ALG9: variants seen among roughly 807,000 people sequenced by gnomAD.
ALG9 encodes alpha-1,2-mannosyltransferase ALG9.
ALG9 carries 55 observed loss-of-function variants against 81.8 expected under a neutral mutation model. The ratio of observed to expected loss-of-function variants is 0.67; its 90% CI spans 0.54 to 0.84. ALG9 has a LOEUF of 0.84. Ranked by LOEUF, ALG9 falls within the 40% of genes least tolerant of loss-of-function variation. ALG9 has a pLI of 0.00. For synonymous variants in ALG9, 278 were observed against 274.3 expected, an observed-to-expected ratio of 1.01 and a Z score of -0.13; for missense variants, 629 against 745.0, an observed-to-expected ratio of 0.84 and a Z score of 1.81.
Position 111,862,007 on chromosome 11 carries a change from T to C in ALG9, c.477-1372A>G, listed in dbSNP as rs570662001. On this transcript the variant is annotated intron_variant, in intron 4 of 14. Transcript: ENST00000616540. ...CTGACAATTTTTAAAATCTTTCTCT[T>C]TGTCTCTATTGTCTTACACAGTTTC... Among the ~76,000 whole-genome samples the C allele has an allele frequency of 4.6e-5, 7 of 152,272 alleles. No individual in the cohort carries two copies. The South Asian group carries it at 1.4e-3, about 32-fold the overall frequency.
At chr11:111,795,654 T>C (rs1555074742) in intron 14 of ALG9, among the ~76,000 whole-genome samples, 1 of 152,230 alleles carries the variant, frequency 6.6e-6, no homozygotes, top group Non-Finnish European at 1.5e-5. Context: ...ATACATTATG[T>C]GTAATGACTA....
chr11:111,780,382 G>C (rs1335564778), downstream of ALG9, among the ~76,000 whole-genome samples: 1 of 140,604 alleles, frequency 7.1e-6, no homozygotes, highest in Non-Finnish European at 1.6e-5. Flanking sequence ...ATAATTTGCC[G>C]TTTTTTTTTT....
At chr11:111,839,573 AGCAAGATTCCGTCTC>A (rs1955883159) in intron 10 of ALG9, among the ~76,000 whole-genome samples, 1 of 121,342 alleles carries the variant, frequency 8.2e-6, no homozygotes, top group Admixed American at 9.6e-5. Context: ...TGGGCGACAG[AGCAAGATTCCGTCTC>A]AAAAAAAAAA....
chr11:111,860,521 A>G (rs782352767), intron 5 of ALG9, 26 bp downstream of exon 5: 6 of 1,601,066 alleles, frequency 3.7e-6, no homozygotes, highest in Non-Finnish European at 5.1e-6. Context: ...ATGACCTGCA[A>G]TTCCCTCATC....
intron 3 of ALG9, among the ~76,000 whole-genome samples, chr11:111,867,158 G>A (rs187496310): frequency 2.0e-5 from 3 of 152,286 alleles, no homozygotes; most frequent in Non-Finnish European, 4.4e-5. Context: ...AGGGAAGGGA[G>A]GGACAGTATT....
rs570428824 is a variant in ALG9 at position 111,844,503 on chromosome 11, G to A, written c.1018+98C>T. On this transcript the variant is annotated intron_variant, in intron 9 of 14. Coordinates refer to ENST00000616540, the MANE Select transcript of ALG9 (RefSeq NM_024740.2). ...AGCCAACCATTTCCATAGGAAGAAT[G>A]TGGAAAATAAAGTAAGTAGGATTTT... The A allele has an allele frequency of 5.9e-6, 9 of 1,535,120 alleles. No homozygotes were observed. In the African/African-American group the frequency reaches 1.2e-4, roughly 21 times the overall value.
chr11:111,812,975 T>G (rs1472448865), intron 13 of ALG9, among the ~76,000 whole-genome samples: 2 of 125,032 alleles, frequency 1.6e-5, no homozygotes, highest in Non-Finnish European at 3.3e-5. Context: ...ACCAATGAAA[T>G]AGAACAAAGA....
At chr11:111,838,107 C>G in intron 11 of ALG9, 142 bp downstream of exon 11, 1 of 851,740 alleles carries the variant, frequency 1.2e-6, no homozygotes, top group Non-Finnish European at 1.9e-6. Context: ...ATATGCCACT[C>G]ATTAATATTA....
intron 13 of ALG9, among the ~76,000 whole-genome samples, chr11:111,826,856 G>C (rs1953399984): frequency 6.6e-6 from 1 of 151,916 alleles, no homozygotes; most frequent in South Asian, 2.1e-4. Flanking sequence ...TCTGGATTCT[G>C]ATTTTATTGT....
chr11:111,854,232 G>A (rs1958305458), intron 6 of ALG9, among the ~76,000 whole-genome samples: 1 of 148,820 alleles, frequency 6.7e-6, no homozygotes, highest in Admixed American at 6.7e-5. Context: ...GAGTAGCTGG[G>A]ACTACAGGCA....
chr11:111,803,818 G>T (rs1345886892), intron 14 of ALG9, among the ~76,000 whole-genome samples: 1 of 151,942 alleles, frequency 6.6e-6, no homozygotes, highest in Non-Finnish European at 1.5e-5. Flanking sequence ...CTCAAAACAG[G>T]CCACAGACCT....
chr11:111,853,298 A>G, intron 8 of ALG9, 82 bp downstream of exon 8: 1 of 911,826 alleles, frequency 1.1e-6, no homozygotes, highest in East Asian at 2.5e-5. Context: ...ATCTAATAAT[A>G]CGAGGCAACT....
chr11:111,870,954 G>C, intron 1 of ALG9: 3 of 1,013,630 alleles, frequency 3.0e-6, no homozygotes, highest in Non-Finnish European at 3.5e-6. Context: ...CAGCCTCCAG[G>C]GTTTGGGAAG....
At chr11:111,772,710 T>C in the ALG9 span, among the ~76,000 whole-genome samples, 1,550 of 152,352 alleles carry the variant, frequency 0.01, 43 homozygotes, top group African/African-American at 0.036. Flanking sequence ...TAACAGTTTT[T>C]ATCTACTGAG....
intron 13 of ALG9, among the ~76,000 whole-genome samples, chr11:111,820,207 G>A (rs1196647567): frequency 6.6e-6 from 1 of 152,154 alleles, no homozygotes; most frequent in Non-Finnish European, 1.5e-5. Flanking sequence ...ATAAACAGAA[G>A]AATCACACTT....
downstream of ALG9, among the ~76,000 whole-genome samples, chr11:111,780,884 G>A (rs1032395242): frequency 2.6e-5 from 4 of 152,120 alleles, no homozygotes; most frequent in East Asian, 1.9e-4. Context: ...CCCCTCATAT[G>A]CCAACAATGG....
At position 111,871,519 on chromosome 11, in the gene ALG9, A is replaced by T; in HGVS notation, c.-37T>A. Reference sequence around the variant, plus strand: ...GGAAAAAAGAATTCGGCACCCTATGAAGTCGGTGAGCGCGCAGACATAGCT... The same window carrying T: ...GGAAAAAAGAATTCGGCACCCTATGTAGTCGGTGAGCGCGCAGACATAGCT... On this transcript the variant is annotated 5_prime_UTR_variant, in exon 1 of 15. Transcript: ENST00000616540. 1 of 1,535,534 alleles carries T rather than the reference A, an allele frequency of 6.5e-7. No homozygotes were observed. The highest frequency in any genetic ancestry group is 8.7e-7 in the Non-Finnish European group (1 of 1,146,308).
chr11:111,865,319 C>T (rs898308549), intron 3 of ALG9, 68 bp from the exon 4 acceptor site: 3 of 1,190,688 alleles, frequency 2.5e-6, no homozygotes, highest in Non-Finnish European at 3.6e-6. Context: ...TAAACATGAA[C>T]CACTCTCATT....
chr11:111,823,085 T>G lies in ALG9; in HGVS notation c.1602+13080A>C, dbSNP rs573827061. ...GCCTCCGACTAAGTGCTCTTTTTAT[T>G]TAAATCTAGCTAATATTTTCATTTG... On this transcript the variant is annotated intron_variant, in intron 13 of 14. Coordinates refer to ENST00000616540, the MANE Select transcript of ALG9 (RefSeq NM_024740.2). Among the ~76,000 whole-genome samples the G allele has an allele frequency of 5.9e-4, 90 of 152,322 alleles. No homozygotes were observed. In the South Asian group the frequency reaches 7.0e-3, roughly 12 times the overall value.
Sources: gnomAD v4.1 joint callset for allele counts (sites outside exome capture counted in the v4.1 genomes callset) on GRCh38, gnomAD v4.1.1 for gene constraint, MANE v1.5 for transcripts, NCBI Gene and HGNC (gene_info 2026-07-23, HGNC 2026-07-21) for gene names.